The following AGTPBP1 variants were observed in gnomAD, a reference collection of about 807,000 sequenced individuals.
AGTPBP1 encodes the protein ATP/GTP binding carboxypeptidase 1.
In AGTPBP1, 70 loss-of-function variants were observed where a neutral mutation model predicts 143.9. The observed-to-expected ratio is 0.49, with a 90% CI of 0.40 to 0.59. AGTPBP1 has a LOEUF of 0.59. AGTPBP1 is among the 20% of genes least tolerant of loss of function. AGTPBP1 has a pLI of 0.00. For synonymous variants in AGTPBP1, 463 were observed against 500.2 expected, an observed-to-expected ratio of 0.93 and a Z score of 0.99; for missense variants, 1,229 against 1,464.5, an observed-to-expected ratio of 0.84 and a Z score of 2.62.
the AGTPBP1 span, among the ~76,000 whole-genome samples, chr9:85,801,168 C>A: frequency 6.6e-6 from 1 of 151,900 alleles, no homozygotes; most frequent in Non-Finnish European, 1.5e-5. Context: ...AAAAAATAGT[C>A]AGGTGTGGTG....
chr9:85,598,397 G>A (rs753938847), intron 17 of AGTPBP1, among the ~76,000 whole-genome samples: 4 of 151,988 alleles, frequency 2.6e-5, no homozygotes, highest in African/African-American at 9.7e-5. Context: ...TCTCCATCTC[G>A]GGTTTCAAAT....
intron 3 of AGTPBP1, among the ~76,000 whole-genome samples, chr9:85,683,157 A>C (rs575602521): frequency 1.3e-5 from 2 of 152,332 alleles, no homozygotes; most frequent in South Asian, 2.1e-4. Flanking sequence ...TAATGCTTAA[A>C]AGAATATAAA....
rs1331302673 is a variant in AGTPBP1, at chr9:85,646,323, TA to T, written c.1182del (p.Phe394LeufsTer13). The stretch of plus-strand genomic sequence containing the variant: ...TAATTACAGAAATTTATACTAACCT[TA>T]AAATTTTGATCTAGGTCATCTTCAT... The part of the protein sequence containing the change: ...TENEDDLDQN[F>X]KNDDIETDIN... On this transcript the variant is annotated frameshift_variant, in exon 12 of 26. Transcript: ENST00000357081. LOFTEE classifies it high-confidence loss of function. The T allele has an allele frequency of 6.2e-6, 10 of 1,610,338 alleles. No homozygotes were observed. Among genetic ancestry groups the T allele is most frequent in the Non-Finnish European group, 8.5e-6 (10 of 1,177,898 alleles).
In AGTPBP1 at chr9:85,550,192, TGTGAGA is replaced by T. The variant is rs376496606; in HGVS notation, c.3504-2912_3504-2907del. On this transcript the variant is annotated intron_variant, in intron 25 of 25. Coordinates refer to ENST00000357081, the MANE Select transcript of AGTPBP1 (RefSeq NM_001330701.2). ...ACAAGAGTTTGTGAGTGTGTGTGTG[TGTGAGA>T]GAGAGAGAGAGAGAGAGAGAAAGAT... 2.7e-3 allele frequency among the ~76,000 whole-genome samples: 388 copies of T among 145,360 alleles called. 1 individual carries two copies. Among genetic ancestry groups the T allele is most frequent in the Middle Eastern group, 0.011 (3 of 282 alleles).
chr9:85,552,701 C>T (rs1826105043), intron 25 of AGTPBP1, among the ~76,000 whole-genome samples: 1 of 152,212 alleles, frequency 6.6e-6, no homozygotes, highest in East Asian at 1.9e-4. Context: ...GTAAATCAAC[C>T]TTTCTCAATT....
At chr9:85,756,044 C>T in the AGTPBP1 span, 1 of 1,436,262 alleles carries the variant, frequency 7.0e-7, no homozygotes, top group South Asian at 1.4e-5. Context: ...GAAGGAAAAA[C>T]AAGTAATTTT....
At chr9:85,683,753 C>T (rs1231627034) in intron 3 of AGTPBP1, among the ~76,000 whole-genome samples, 1 of 152,132 alleles carries the variant, frequency 6.6e-6, no homozygotes, top group African/African-American at 2.4e-5. Flanking sequence ...CCTCTGATAT[C>T]TTAATCCCTA....
intron 1 of AGTPBP1, among the ~76,000 whole-genome samples, chr9:85,723,696 G>A (rs962517711): frequency 6.6e-6 from 1 of 152,226 alleles, no homozygotes; most frequent in South Asian, 2.1e-4. Flanking sequence ...TGCACCCACC[G>A]TCCAACCAGT....
chr9:85,596,186 A>C (rs937149314), intron 18 of AGTPBP1, among the ~76,000 whole-genome samples, 176 bp downstream of exon 18: 1 of 152,162 alleles, frequency 6.6e-6, no homozygotes, highest in Non-Finnish European at 1.5e-5. Context: ...CTTCTACTAC[A>C]TACACTCCAT....
At position 85,601,893 on chromosome 9, in the gene AGTPBP1, CCT is replaced by C. The variant is rs1284533114; in HGVS notation, c.2336-5446_2336-5445del. ...CCACAGCCACCACTAACAACCACAC[CCT>C]AAGCCAGTGAAGAAATTACAGGGGC... On this transcript the variant is annotated intron_variant, in intron 17 of 25. Transcript: ENST00000357081. Among the ~76,000 whole-genome samples the C allele has an allele frequency of 2.6e-5, 4 of 152,232 alleles. No homozygotes were observed. In the East Asian group the frequency reaches 5.8e-4, roughly 22 times the overall value.
At chr9:85,691,938 T>C (rs1835903552) in intron 3 of AGTPBP1, among the ~76,000 whole-genome samples, 1 of 152,208 alleles carries the variant, frequency 6.6e-6, no homozygotes, top group South Asian at 2.1e-4. Flanking sequence ...GTAAATCTCA[T>C]GACAACCGTG....
chr9:85,558,695 T>A (rs1826507445), intron 25 of AGTPBP1, among the ~76,000 whole-genome samples: 1 of 152,188 alleles, frequency 6.6e-6, no homozygotes, highest in Admixed American at 6.5e-5. Context: ...CTCGGCTCAC[T>A]GCAACCTCCA....
At chr9:85,788,783 T>C in the AGTPBP1 span, among the ~76,000 whole-genome samples, 3,398 of 150,460 alleles carry the variant, frequency 0.023, 40 homozygotes, top group South Asian at 0.036. Flanking sequence ...AATGTATATA[T>C]AGATACACTT....
intron 23 of AGTPBP1, among the ~76,000 whole-genome samples, chr9:85,582,200 T>C (rs930826322): frequency 2.0e-5 from 3 of 152,196 alleles, no homozygotes; most frequent in African/African-American, 7.2e-5. Context: ...TGCAATACTA[T>C]TGATAGACCT....
chr9:85,708,066 AAAT>A (rs1280361675), intron 2 of AGTPBP1, among the ~76,000 whole-genome samples: 1 of 152,178 alleles, frequency 6.6e-6, no homozygotes, highest in African/African-American at 2.4e-5. Context: ...GTATAATAAA[AAAT>A]AATAATAATT....
chr9:85,715,303 G>T (rs916076918), intron 1 of AGTPBP1, among the ~76,000 whole-genome samples: 3 of 151,210 alleles, frequency 2.0e-5, no homozygotes, highest in East Asian at 1.9e-4. Context: ...AGGGAGGGAG[G>T]AAAGAAGGAA....
At chr9:85,601,789 A>G (rs1429288408) in intron 17 of AGTPBP1, among the ~76,000 whole-genome samples, 3 of 152,230 alleles carry the variant, frequency 2.0e-5, no homozygotes, top group African/African-American at 7.2e-5. Flanking sequence ...TCCTAAGGAC[A>G]GGAATCTTTG....
At chr9:85,804,834 A>G in the AGTPBP1 span, among the ~76,000 whole-genome samples, 1 of 152,192 alleles carries the variant, frequency 6.6e-6, no homozygotes, top group Non-Finnish European at 1.5e-5. Flanking sequence ...CACTCTTGCT[A>G]CTGGAATCTT....
At chr9:85,713,988 A>G (rs1456637163) in intron 1 of AGTPBP1, among the ~76,000 whole-genome samples, 1 of 152,242 alleles carries the variant, frequency 6.6e-6, no homozygotes, top group Admixed American at 6.5e-5. Context: ...AAACAGAAGA[A>G]ACTATTAATA....
Sources: allele counts gnomAD v4.1 joint callset (sites outside exome capture counted in the v4.1 genomes callset), GRCh38; gene constraint gnomAD v4.1.1; transcripts MANE v1.5; gene names NCBI Gene and HGNC (gene_info 2026-07-23, HGNC 2026-07-21).